Variants in TMEM108 observed in about 807,000 individuals in gnomAD.
The protein encoded by TMEM108 is cancer/testis antigen 124.
A neutral mutation model predicts 35.1 loss-of-function variants in TMEM108; 12 were observed. That is an observed-to-expected ratio of 0.34 (90% CI 0.22 to 0.55). The LOEUF is 0.55. Ranked by LOEUF, TMEM108 falls within the 20% of genes least tolerant of loss-of-function variation. The pLI, the probability that TMEM108 is intolerant of heterozygous loss-of-function variation, is 0.89. For missense variants in TMEM108, 680 were observed against 753.3 expected (o/e 0.90, Z 1.14); for synonymous variants, 287 against 308.6 (o/e 0.93, Z 0.73).
chr3:133,326,013 G>GTTGA (rs2071328522), intron 3 of TMEM108, among the ~76,000 whole-genome samples: 1 of 152,172 alleles, frequency 6.6e-6, no homozygotes, highest in African/African-American at 2.4e-5. Context: ...TTGACCACAT[G>GTTGA]TTGATCACTG....
rs188387276 is a variant in TMEM108 at position 133,259,005 on chromosome 3, C to T, written c.40+29654C>T. ...TCCTTTCATTTTTCCCTTGGTTTAT[C>T]CTTCAGTCTCAGACTGTCCTGATGG... is the stretch of plus-strand genomic sequence containing the variant. On this transcript the variant is annotated intron_variant, in intron 3 of 5. Coordinates refer to ENST00000321871, the MANE Select transcript of TMEM108 (RefSeq NM_023943.4). Among the ~76,000 whole-genome samples the T allele has an allele frequency of 2.0e-4, 31 of 152,286 alleles. No individual in the cohort carries two copies. In the East Asian group the frequency reaches 5.0e-3, roughly 25 times the overall value.
intron 3 of TMEM108, among the ~76,000 whole-genome samples, chr3:133,244,531 G>C (rs768786212): frequency 2.0e-5 from 3 of 152,132 alleles, no homozygotes; most frequent in Non-Finnish European, 2.9e-5. Context: ...ATTGAAGTTC[G>C]CCCTGGATGT....
intron 2 of TMEM108, among the ~76,000 whole-genome samples, chr3:133,200,118 G>A (rs1945640320): frequency 6.6e-6 from 1 of 152,158 alleles, no homozygotes; most frequent in South Asian, 2.1e-4. Flanking sequence ...CGTTGGAAAA[G>A]CGCAGTATTA....
chr3:133,241,479 G>A (rs1489680988), intron 3 of TMEM108, among the ~76,000 whole-genome samples: 1 of 152,174 alleles, frequency 6.6e-6, no homozygotes, highest in African/African-American at 2.4e-5. Context: ...TAAATCATTT[G>A]CCTTTGTTCC....
intron 3 of TMEM108, among the ~76,000 whole-genome samples, chr3:133,357,015 CA>C (rs911100374): frequency 1.3e-5 from 2 of 151,786 alleles, no homozygotes; most frequent in Non-Finnish European, 3.0e-5. Context: ...GCAGTGTAAA[CA>C]GACAGTATTT....
chr3:133,379,425 C>A (rs2072936480), intron 3 of TMEM108, among the ~76,000 whole-genome samples: 1 of 152,180 alleles, frequency 6.6e-6, no homozygotes, highest in East Asian at 1.9e-4. Flanking sequence ...CACCTCCAGC[C>A]CCAGCCTGTT....
At chr3:133,198,777 C>T (rs943697866) in intron 2 of TMEM108, among the ~76,000 whole-genome samples, 6 of 152,138 alleles carry the variant, frequency 3.9e-5, no homozygotes, top group Non-Finnish European at 7.3e-5. Context: ...TTGCTCTTCT[C>T]GAGGTGTGTC....
At position 133,358,797 on chromosome 3, in the gene TMEM108, C is replaced by T. The variant is rs376570158; in HGVS notation, c.41-20955C>T. 2.6e-4 allele frequency among the ~76,000 whole-genome samples: 39 copies of T among 152,272 alleles called. No individual in the cohort carries two copies. In the South Asian group the frequency reaches 6.2e-3, roughly 24 times the overall value. On this transcript the variant is annotated intron_variant, in intron 3 of 5. Transcript: ENST00000321871. ...TCTTTTGCTTCTGTTCACTTCTCTC[C>T]TCCCTTCCCATCCCTCTTCTAAACT...
At chr3:133,379,666 C>A in intron 3 of TMEM108, 86 bp from the exon 4 acceptor site, 2 of 1,352,098 alleles carry the variant, frequency 1.5e-6, no homozygotes, top group Non-Finnish European at 1.0e-6. Flanking sequence ...GAGTTCCCAG[C>A]ACTGTCCTAG....
intron 2 of TMEM108, among the ~76,000 whole-genome samples, chr3:133,143,814 A>G (rs1455157281): frequency 6.6e-6 from 1 of 152,158 alleles, no homozygotes; most frequent in Non-Finnish European, 1.5e-5. Flanking sequence ...CAGCCCCAGC[A>G]CATGCCCTTC....
At chr3:133,384,151 T>C (rs1284881468) in intron 4 of TMEM108, among the ~76,000 whole-genome samples, 1 of 152,150 alleles carries the variant, frequency 6.6e-6, no homozygotes, top group African/African-American at 2.4e-5. Context: ...ACCTTCTCAG[T>C]GGCTTCATTT....
intron 3 of TMEM108, among the ~76,000 whole-genome samples, chr3:133,299,620 C>G (rs1186445716): frequency 2.6e-5 from 4 of 152,310 alleles, no homozygotes; most frequent in Non-Finnish European, 4.4e-5. Flanking sequence ...GTCCTGATAT[C>G]TCACAGGGCA....
At chr3:133,049,805 T>C (rs1943382057) in intron 2 of TMEM108, among the ~76,000 whole-genome samples, 1 of 152,024 alleles carries the variant, frequency 6.6e-6, no homozygotes, top group Admixed American at 6.6e-5. Context: ...TTACAAAGAG[T>C]CTGGAAGAGG....
intron 2 of TMEM108, among the ~76,000 whole-genome samples, chr3:133,189,365 G>A (rs754846663): frequency 2.6e-5 from 4 of 152,096 alleles, no homozygotes; most frequent in South Asian, 4.1e-4. Context: ...TTAAATCATC[G>A]TATTTTTAAA....
chr3:133,379,696 C>T, intron 3 of TMEM108, 56 bp from the exon 4 acceptor site: 1 of 1,551,534 alleles, frequency 6.4e-7, no homozygotes, highest in Non-Finnish European at 8.8e-7. Flanking sequence ...AAGAAAGGCC[C>T]AGGCTGTATG....
intron 2 of TMEM108, among the ~76,000 whole-genome samples, chr3:133,175,249 T>G (rs1042076847): frequency 6.6e-6 from 1 of 152,172 alleles, no homozygotes; most frequent in Admixed American, 6.6e-5. Context: ...TGGAAAACAC[T>G]CTGCAGGATA....
chr3:133,294,016 T>C (rs1947109006), intron 3 of TMEM108, among the ~76,000 whole-genome samples: 1 of 152,202 alleles, frequency 6.6e-6, no homozygotes, highest in Non-Finnish European at 1.5e-5. Flanking sequence ...GCAGAAAGTC[T>C]CAGATTTGTT....
chr3:133,216,899 C>T (rs542867187), intron 2 of TMEM108, among the ~76,000 whole-genome samples: 10 of 152,096 alleles, frequency 6.6e-5, no homozygotes, highest in South Asian at 4.1e-4. Flanking sequence ...TGAACATGGA[C>T]GTGCATATCT....
intron 3 of TMEM108, among the ~76,000 whole-genome samples, chr3:133,230,728 C>T (rs1486826631): frequency 2.6e-5 from 4 of 152,158 alleles, no homozygotes; most frequent in Non-Finnish European, 4.4e-5. Context: ...GTTGAGTTCA[C>T]CTATGCCGAT....
Sources: gnomAD v4.1 joint callset for allele counts (sites outside exome capture counted in the v4.1 genomes callset) on GRCh38, gnomAD v4.1.1 for gene constraint, MANE v1.5 for transcripts, NCBI Gene and HGNC (gene_info 2026-07-23, HGNC 2026-07-21) for gene names.